The following ZNF800 variants were observed in gnomAD, a reference collection of about 807,000 sequenced individuals.
ZNF800 encodes zinc finger protein 800.
In ZNF800, 13 loss-of-function variants were observed where a neutral mutation model predicts 59.5. The ratio of observed to expected loss-of-function variants is 0.22; its 90% CI spans 0.14 to 0.35. ZNF800 has a LOEUF of 0.35. Ranked by LOEUF, ZNF800 falls within the 10% of genes least tolerant of loss-of-function variation. ZNF800 has a pLI of 1.00. For missense variants in ZNF800, 621 were observed against 783.7 expected, an observed-to-expected ratio of 0.79 and a Z score of 2.48; for synonymous variants, 266 against 265.7, an observed-to-expected ratio of 1.00 and a Z score of -0.01.
intron 1 of ZNF800, chr7:127,362,862 AAC>A (rs1397760599): frequency 1.3e-5 from 2 of 152,146 alleles, no homozygotes; most frequent in Non-Finnish European, 2.9e-5. Context: ...AGATATTTCT[AAC>A]AACAGCACGG....
chr7:127,352,055 G>A (rs958735416), intron 1 of ZNF800, among the ~76,000 whole-genome samples: 2 of 152,184 alleles, frequency 1.3e-5, no homozygotes, highest in African/African-American at 4.8e-5. Context: ...ATCACATACA[G>A]TCAAAGGCAT....
chr7:127,392,032 TC>T (rs935434068), intron 1 of ZNF800, 27 bp downstream of exon 1: 64 of 387,728 alleles, frequency 1.7e-4, no homozygotes, highest in Non-Finnish European at 2.3e-4. Context: ...GGAGACCCCG[TC>T]CCCACAACCA....
chr7:127,349,042 C>T (rs1208290667), intron 1 of ZNF800, among the ~76,000 whole-genome samples: 3 of 151,808 alleles, frequency 2.0e-5, no homozygotes, highest in Non-Finnish European at 2.9e-5. Context: ...TCTTATTTAA[C>T]TCTAGTAATA....
chr7:127,378,320 T>C (rs4319020), intron 3 of ZNF800, among the ~76,000 whole-genome samples: 50 of 152,254 alleles, frequency 3.3e-4, no homozygotes, highest in Non-Finnish European at 4.3e-4. Context: ...GGAAGGTCTT[T>C]AGTCACTACT....
Position 127,374,762 on chromosome 7 carries a change from C to G in ZNF800, c.574G>C (p.Glu192Gln). ...PVTDTEVETV[E>Q]PPPVEIVTDE... The stretch of plus-strand genomic sequence containing the variant: ...GTAACAATCTCAACAGGAGGGGGCT[C>G]TACAGTTTCCACCTCTGTATCTGTA... The change falls in exon 5 of 6, where the codon GAG becomes CAG. Residue 192 changes from glutamate (E) to glutamine (Q), a missense_variant. Coordinates refer to ENST00000265827, the MANE Select transcript of ZNF800 (RefSeq NM_176814.5). 6.2e-7 allele frequency: 1 copy of G among 1,613,902 alleles called. No individual in the cohort carries two copies. Among genetic ancestry groups the G allele is most frequent in the Non-Finnish European group, 8.5e-7 (1 of 1,179,918 alleles).
intron 4 of ZNF800, among the ~76,000 whole-genome samples, chr7:127,376,634 T>G (rs1800794019): frequency 6.6e-6 from 1 of 151,910 alleles, no homozygotes; most frequent in South Asian, 2.1e-4. Context: ...ATCTAAATTT[T>G]TCTGAAAACA....
chr7:127,342,901 A>C (rs1473575362), downstream of ZNF800, among the ~76,000 whole-genome samples: 1 of 152,194 alleles, frequency 6.6e-6, no homozygotes, highest in Non-Finnish European at 1.5e-5. Context: ...TTAAAGTAGC[A>C]ACATAAATAT....
intron 4 of ZNF800, 140 bp from the exon 5 acceptor site, chr7:127,375,174 C>A: frequency 1.5e-6 from 1 of 675,220 alleles, no homozygotes; most frequent in Non-Finnish European, 2.2e-6. Context: ...ATCTACTTTT[C>A]AGTATTCTAC....
intron 2 of ZNF800, among the ~76,000 whole-genome samples, chr7:127,387,640 T>C (rs548796787): frequency 2.8e-4 from 43 of 152,160 alleles, no homozygotes; most frequent in Non-Finnish European, 4.7e-4. Context: ...GCAGGAGGAT[T>C]ACTTGAGCCT....
intron 3 of ZNF800, among the ~76,000 whole-genome samples, chr7:127,378,437 T>C (rs1038060464): frequency 5.9e-5 from 9 of 152,028 alleles, no homozygotes; most frequent in Non-Finnish European, 1.2e-4. Context: ...AAAATGACAA[T>C]ATATTGACTT....
At chr7:127,366,031 G>A (rs1474458049), downstream of ZNF800, among the ~76,000 whole-genome samples, 1 of 152,106 alleles carries the variant, frequency 6.6e-6, no homozygotes, top group African/African-American at 2.4e-5. Flanking sequence ...CTATAAGGTA[G>A]TTTCTAATAT....
At chr7:127,345,466 T>C (rs1293786629), downstream of ZNF800, among the ~76,000 whole-genome samples, 1 of 152,214 alleles carries the variant, frequency 6.6e-6, no homozygotes, top group Non-Finnish European at 1.5e-5. Flanking sequence ...CAAGATGTTA[T>C]ATTTAATCAG....
chr7:127,345,265 T>C (rs1204973163), downstream of ZNF800, among the ~76,000 whole-genome samples: 2 of 151,980 alleles, frequency 1.3e-5, no homozygotes, highest in Admixed American at 1.3e-4. Flanking sequence ...ACATGGTCTC[T>C]TCCTTTATAC....
rs1801356115 is a variant in ZNF800, at chr7:127,392,247, G to A, written c.-246C>T. On this transcript the variant is annotated 5_prime_UTR_variant, in exon 1 of 6. Transcript: ENST00000265827. ...TCCCCGCCGGCGCTGACGCGGAAGC[G>A]CCACAGCTCACCACGTCCCTCCGCG... is the stretch of plus-strand genomic sequence containing the variant. 1 of 393,586 alleles carries A rather than the reference G, an allele frequency of 2.5e-6. No homozygotes were observed. The highest frequency in any genetic ancestry group is 4.5e-6 in the Non-Finnish European group (1 of 222,694). The allele number at this position is 393,586 out of a possible 1,614,324, so 24.4% of individuals were successfully genotyped here.
At chr7:127,347,362 G>C (rs548263082) in exon 2 of ZNF800, 8 of 110,358 alleles carry the variant, frequency 7.2e-5, no homozygotes, top group African/African-American at 2.8e-4. Context: ...CTGGCAGATG[G>C]CAATATTTGG....
At chr7:127,347,298 T>C (rs1330704190) in exon 2 of ZNF800, 1 of 150,114 alleles carries the variant, frequency 6.7e-6, no homozygotes, top group African/African-American at 2.5e-5. Context: ...AACTCCAAGT[T>C]GTGTCAAGCA....
At chr7:127,382,210 T>C (rs1800998036) in intron 3 of ZNF800, among the ~76,000 whole-genome samples, 1 of 152,236 alleles carries the variant, frequency 6.6e-6, no homozygotes, top group African/African-American at 2.4e-5. Context: ...CAGTCTTGAA[T>C]ACCAGACAAA....
At chr7:127,367,774 G>A (rs984731599), downstream of ZNF800, among the ~76,000 whole-genome samples, 2 of 152,146 alleles carry the variant, frequency 1.3e-5, no homozygotes, top group African/African-American at 4.8e-5. Flanking sequence ...TTTATTTGAA[G>A]TGTCTTGGTA....
At chr7:127,378,153 A>G (rs552544515) in intron 3 of ZNF800, among the ~76,000 whole-genome samples, 3 of 152,234 alleles carry the variant, frequency 2.0e-5, no homozygotes, top group African/African-American at 7.2e-5. Flanking sequence ...TAACGTATTC[A>G]GCTCTTACAA....
Sources: allele counts gnomAD v4.1 joint callset (sites outside exome capture counted in the v4.1 genomes callset), GRCh38; gene constraint gnomAD v4.1.1; transcripts MANE v1.5; gene names NCBI Gene and HGNC (gene_info 2026-07-23, HGNC 2026-07-21).